CHD2: variants seen among roughly 807,000 people sequenced by gnomAD.
CHD2 encodes the protein ATP-dependent chromatin remodeler CHD2.
A neutral mutation model predicts 243.9 loss-of-function variants in CHD2; 28 were observed. The ratio of observed to expected loss-of-function variants is 0.11; its 90% CI spans 0.09 to 0.16. CHD2 has a LOEUF of 0.16. Ranked by LOEUF, CHD2 falls within the 10% of genes least tolerant of loss-of-function variation. The pLI, the probability that CHD2 is intolerant of heterozygous loss-of-function variation, is 1.00. For synonymous variants in CHD2, 775 were observed against 779.0 expected (o/e 0.99, Z 0.09); for missense variants, 1,386 against 2,209.8 (o/e 0.63, Z 7.47).
intron 2 of CHD2, among the ~76,000 whole-genome samples, chr15:92,909,289 T>C (rs2052683866): frequency 6.6e-6 from 1 of 152,196 alleles, no homozygotes; most frequent in African/African-American, 2.4e-5. Flanking sequence ...TTACTTGGAA[T>C]GCAGTTACAT....
chr15:92,965,745 A>G (rs1462168890), intron 16 of CHD2, among the ~76,000 whole-genome samples: 1 of 133,946 alleles, frequency 7.5e-6, no homozygotes, highest in Non-Finnish European at 1.7e-5. Context: ...GTGTAGATCA[A>G]GAACTAGTGT....
chr15:92,966,322 C>T (rs905833835), intron 16 of CHD2, among the ~76,000 whole-genome samples: 1 of 152,020 alleles, frequency 6.6e-6, no homozygotes, highest in Admixed American at 6.5e-5. Flanking sequence ...CCTCAGCCTC[C>T]CAAAGTGCTG....
At position 92,944,534 on chromosome 15, in the gene CHD2, A is replaced by T. The variant is rs780655377; in HGVS notation, c.1153+19A>T. The T allele has an allele frequency of 3.1e-6, 4 of 1,273,176 alleles. No homozygotes were observed. In the South Asian group the frequency reaches 6.0e-5, roughly 19 times the overall value. 78.9% of individuals were successfully genotyped at this position (1,273,176 alleles called of 1,614,324 possible). On this transcript the variant is annotated intron_variant, in intron 10 of 38. Transcript: ENST00000394196. Reference sequence around the variant, plus strand: ...GTAATAGGTAAGTACATGGTAACTCACTTCAGCCATATTTGAACTTGAGGA... The same window carrying T: ...GTAATAGGTAAGTACATGGTAACTCTCTTCAGCCATATTTGAACTTGAGGA...
Position 93,009,299 on chromosome 15 carries a change from A to G in CHD2, c.4568A>G (p.Gln1523Arg). The change falls in exon 35 of 39, where the codon CAG becomes CGG. Residue 1523 changes from glutamine (Q) to arginine (R), a missense_variant. By Grantham distance (43) the Gln-to-Arg change is conservative. Around this residue, in one of 19 missense-constraint regions of CHD2, gnomAD observed 42 missense variants for 47.6 expected, o/e 0.88. Transcript: ENST00000394196. The stretch of plus-strand genomic sequence containing the variant: ...GAGTGCCTTAAAGCCTACTCAGATC[A>G]GGAGCACATCAAACTCTGGAGGAGG... ...IAECLKAYSD[Q>R]EHIKLWRRNL... 2 of 1,614,212 alleles carry G rather than the reference A, an allele frequency of 1.2e-6. No individual in the cohort carries two copies. Among genetic ancestry groups the G allele is most frequent in the Non-Finnish European group, 8.5e-7 (1 of 1,180,018 alleles).
At chr15:92,959,711 C>G (rs576951679) in intron 16 of CHD2, among the ~76,000 whole-genome samples, 2 of 152,132 alleles carry the variant, frequency 1.3e-5, no homozygotes, top group Non-Finnish European at 2.9e-5. Context: ...AGGCTGGTCT[C>G]GAACTCCTGA....
At chr15:92,907,129 TA>T (rs1028733273) in intron 2 of CHD2, among the ~76,000 whole-genome samples, 12 of 152,218 alleles carry the variant, frequency 7.9e-5, no homozygotes, top group Admixed American at 5.9e-4. Context: ...AAAGCAAGTC[TA>T]GGGGGAGAGA....
chr15:92,912,552 G>A lies in CHD2; in HGVS notation c.62+11253G>A, dbSNP rs1267309331. On this transcript the variant is annotated intron_variant, in intron 2 of 38. Transcript: ENST00000394196. ...TTGTATTTTTGTTTTGTTTTGTTTT[G>A]AGACGGAGTCTCGCTTTGTTGCCTG... 3.9e-5 allele frequency among the ~76,000 whole-genome samples: 6 copies of A among 152,178 alleles called. No homozygotes were observed. The East Asian group carries it at 1.2e-3, about 29-fold the overall frequency.
At chr15:93,019,795 A>C (rs575765797) in intron 37 of CHD2, among the ~76,000 whole-genome samples, 2 of 152,066 alleles carry the variant, frequency 1.3e-5, no homozygotes, top group Non-Finnish European at 2.9e-5. Context: ...TTGGGCAGGC[A>C]TGGTGGCGGG....
chr15:93,019,943 A>AG, intron 37 of CHD2, 69 bp from the exon 38 acceptor site: 1 of 1,547,028 alleles, frequency 6.5e-7, no homozygotes, highest in Non-Finnish European at 8.7e-7. Context: ...CCAAAAAAAA[A>AG]AAAATTGTAG....
intron 5 of CHD2, among the ~76,000 whole-genome samples, chr15:92,934,514 T>C (rs989978423): frequency 9.9e-5 from 15 of 152,234 alleles, no homozygotes; most frequent in Middle Eastern, 3.2e-3. Context: ...TCTTAAACTA[T>C]TCTTTATTGT....
chr15:92,942,697 GTTGT>G, intron 8 of CHD2, 142 bp from the exon 9 acceptor site: 2 of 575,796 alleles, frequency 3.5e-6, no homozygotes, highest in Non-Finnish European at 5.8e-6. Flanking sequence ...TCCGTTCTGT[GTTGT>G]TTGTGAGTTT....
At chr15:92,956,702 T>G in intron 16 of CHD2, 53 bp downstream of exon 16, 3 of 1,524,072 alleles carry the variant, frequency 2.0e-6, no homozygotes, top group Non-Finnish European at 2.7e-6. Context: ...GAAATGCCAA[T>G]GCTTTTTAAC....
chr15:92,949,094 A>G lies in CHD2; in HGVS notation c.1502+18A>G. 1 of 1,604,340 alleles carries G rather than the reference A, an allele frequency of 6.2e-7. No homozygotes were observed. The highest frequency in any genetic ancestry group is 8.5e-7 in the Non-Finnish European group (1 of 1,177,824). ...TGGTGCAAGTAGGTAGAAAAATATG[A>G]GTGCAATTTTCCTTACTGTTTCTGG... On this transcript the variant is annotated intron_variant, in intron 13 of 38. Coordinates refer to ENST00000394196, the MANE Select transcript of CHD2 (RefSeq NM_001271.4).
chr15:92,901,025 G>T, intron 1 of CHD2, 142 bp from the exon 2 acceptor site: 2 of 569,450 alleles, frequency 3.5e-6, no homozygotes, highest in Non-Finnish European at 3.1e-6. Flanking sequence ...TTTCTTTTAA[G>T]GAAAAAATAG....
chr15:92,924,664 T>A lies in CHD2; in HGVS notation c.294+112T>A, dbSNP rs73456430. Reference sequence around the variant, plus strand: ...ATCTTGATGATGAAACCTACAGCCATTTTTTCTAGTAATATACAGTAGTAT... The same window carrying A: ...ATCTTGATGATGAAACCTACAGCCAATTTTTCTAGTAATATACAGTAGTAT... On this transcript the variant is annotated intron_variant, in intron 3 of 38. Coordinates refer to ENST00000394196, the MANE Select transcript of CHD2 (RefSeq NM_001271.4). 0.017 allele frequency: 14,410 copies of A among 837,400 alleles called. 1,327 individuals carry two copies. The African/African-American group carries it at 0.21, about 12-fold the overall frequency. 51.9% of individuals were successfully genotyped at this position (837,400 alleles called of 1,614,324 possible). A position where few individuals can be genotyped will look rare whatever the true frequency, so the allele number is the denominator to read the frequency against.
chr15:92,949,123 C>T (rs2053516686), intron 13 of CHD2, 47 bp downstream of exon 13: 2 of 1,585,444 alleles, frequency 1.3e-6, no homozygotes, highest in Non-Finnish European at 1.7e-6. Flanking sequence ...TTTCTGGCTT[C>T]TTTATTGTTA....
chr15:92,937,478 C>T (rs761762487), intron 5 of CHD2, 40 bp from the exon 6 acceptor site: 4 of 1,456,422 alleles, frequency 2.7e-6, no homozygotes, highest in Admixed American at 4.5e-5. Flanking sequence ...TTGAAGGATT[C>T]TTTTAGAAAA....
intron 14 of CHD2, among the ~76,000 whole-genome samples, chr15:92,954,852 C>T (rs965468787): frequency 6.6e-6 from 1 of 152,184 alleles, no homozygotes; most frequent in Admixed American, 6.5e-5. Context: ...CATGAGTCTT[C>T]GTGCTTGCTG....
chr15:92,905,012 A>T, intron 2 of CHD2: 1 of 1,533,712 alleles, frequency 6.5e-7, no homozygotes, highest in East Asian at 2.4e-5. Context: ...AACTCAGGTC[A>T]GTATGTGCTA....
Sources: gnomAD v4.1 joint callset for allele counts (sites outside exome capture counted in the v4.1 genomes callset) on GRCh38, gnomAD v4.1.1 for gene constraint, gnomAD v4.1.1 regional missense constraint, MANE v1.5 for transcripts, NCBI Gene and HGNC (gene_info 2026-07-23, HGNC 2026-07-21) for gene names.